Variants in CHID1 observed in about 807,000 individuals in gnomAD.
The protein encoded by CHID1 is chitinase domain-containing protein 1.
Under a neutral mutation model 55.4 loss-of-function variants are expected in CHID1, and 44 were observed. That is an observed-to-expected ratio of 0.79 (90% confidence interval 0.62 to 1.02). The LOEUF is 1.02. Ranked by LOEUF, CHID1 falls within the 50% of genes least tolerant of loss-of-function variation. CHID1 has a pLI of 0.00. For missense variants in CHID1, 491 were observed against 515.3 expected, an observed-to-expected ratio of 0.95 and a Z score of 0.46; for synonymous variants, 216 against 212.9, an observed-to-expected ratio of 1.01 and a Z score of -0.13.
At chr11:882,750 A>G (rs1850071320) in intron 10 of CHID1, among the ~76,000 whole-genome samples, 2 of 152,222 alleles carry the variant, frequency 1.3e-5, no homozygotes, top group Non-Finnish European at 2.9e-5. Context: ...TAATGCCAAC[A>G]AGAAACCACA....
Position 902,188 on chromosome 11 carries a change from G to T in CHID1, c.394+10C>A. The T allele has an allele frequency of 6.2e-7, 1 of 1,613,642 alleles. No homozygotes were observed. On this transcript the variant is annotated intron_variant, in intron 4 of 12. Transcript: ENST00000323578. ...TGGGGCAAGCACAGTCAAGCAGGAA[G>T]GATGAGAACCTTGGTCCACGTCGTG...
In CHID1 at chr11:886,695, C is replaced by T. The variant is rs114847149; in HGVS notation, c.702-2526G>A. On this transcript the variant is annotated intron_variant, in intron 8 of 12. Coordinates refer to ENST00000323578, the MANE Select transcript of CHID1 (RefSeq NM_023947.4). ...CGACTGCACCAGGAAGAGGCCTTGC[C>T]GGAAGGTGGGCTTCGGGCTTGCCAG... Among the ~76,000 whole-genome samples, 697 of 152,318 alleles carry T rather than the reference C, an allele frequency of 4.6e-3. 10 individuals carry two copies. The highest frequency in any genetic ancestry group is 0.013 in the African/African-American group (543 of 41,564).
chr11:890,368 G>A (rs575366091), intron 8 of CHID1, among the ~76,000 whole-genome samples: 4 of 152,360 alleles, frequency 2.6e-5, no homozygotes, highest in Admixed American at 6.5e-5. Flanking sequence ...GCCCCCATGC[G>A]TCACCTTTCT....
intron 8 of CHID1, among the ~76,000 whole-genome samples, chr11:885,480 G>A (rs11246336): frequency 0.11 from 16,062 of 152,054 alleles, 1,191 homozygotes; most frequent in East Asian, 0.22. Flanking sequence ...CCTCAGCCCC[G>A]ACCTCTTTTC....
chr11:914,968 C>T (rs1852859655), upstream of CHID1: 1 of 197,402 alleles, frequency 5.1e-6, no homozygotes, highest in Non-Finnish European at 1.0e-5. Flanking sequence ...AGGACCTGGG[C>T]CACTATTGCT....
intron 10 of CHID1, among the ~76,000 whole-genome samples, chr11:877,469 C>G (rs536134630): frequency 6.6e-6 from 1 of 152,306 alleles, no homozygotes; most frequent in Admixed American, 6.5e-5. Context: ...AGATCTCGAA[C>G]CCCTGGGCTC....
In CHID1 at chr11:896,214, C is replaced by A. The variant is rs371882037; in HGVS notation, c.609-2695G>T. Among the ~76,000 whole-genome samples, 7 of 142,680 alleles carry A rather than the reference C, an allele frequency of 4.9e-5. No individual in the cohort carries two copies. The East Asian group carries it at 1.5e-3, about 30-fold the overall frequency. The allele number at this position is 142,680 out of a possible 152,430, so 93.6% of individuals were successfully genotyped here. A position where few individuals can be genotyped will look rare whatever the true frequency, so the allele number is the denominator to read the frequency against. ...TGTCTCAGCACCCCCAGCCTCCACC[C>A]CAGACACGAAACTGTCTCAGGGCCC... is the stretch of plus-strand genomic sequence containing the variant. On this transcript the variant is annotated intron_variant, in intron 7 of 12. Coordinates refer to ENST00000323578, the MANE Select transcript of CHID1 (RefSeq NM_023947.4).
At chr11:902,478 G>A (rs887380614) in intron 3 of CHID1, 148 bp from the exon 4 acceptor site, 6 of 834,990 alleles carry the variant, frequency 7.2e-6, no homozygotes, top group Non-Finnish European at 1.1e-5. Context: ...CCTGGCCTGG[G>A]GTATCCTTCT....
chr11:904,729 C>A lies in CHID1; in HGVS notation c.88G>T (p.Ala30Ser). 6.2e-7 allele frequency: 1 copy of A among 1,614,134 alleles called. No homozygotes were observed. Among genetic ancestry groups the A allele is most frequent in the Non-Finnish European group, 8.5e-7 (1 of 1,180,016 alleles). The change falls in exon 2 of 13, where the codon GCC (alanine) becomes TCC (serine). Residue 30 changes from alanine (A) to serine (S), a missense_variant. Transcript: ENST00000323578. ...ACCTTCTCCAGCAGCGTCTTTGAGG[C>A]GGCTTTTTTGGCATCTGACTTTGAC... ...TLSKSDAKKA[A>S]SKTLLEKSQF...
rs1848977777 is a variant in CHID1, at chr11:868,299, G to C, written c.*1559C>G. 1 of 152,112 alleles carries C rather than the reference G, an allele frequency of 6.6e-6. No homozygotes were observed. The highest frequency in any genetic ancestry group is 1.5e-5 in the Non-Finnish European group (1 of 68,048). 9.4% of individuals were successfully genotyped at this position (152,112 alleles called of 1,614,324 possible). A position where few individuals can be genotyped will look rare whatever the true frequency, so the allele number is the denominator to read the frequency against. ...TTTTTTTAGACAAGGTTTTTGGAGT[G>C]CAGTCGGTCACAGCTCACTGCAGCC... On this transcript the variant is annotated 3_prime_UTR_variant, in exon 13 of 13. Coordinates refer to ENST00000323578, the MANE Select transcript of CHID1 (RefSeq NM_023947.4).
At chr11:908,823 T>C (rs549763727) in intron 1 of CHID1, among the ~76,000 whole-genome samples, 11 of 152,332 alleles carry the variant, frequency 7.2e-5, no homozygotes, top group African/African-American at 2.6e-4. Flanking sequence ...ACCCACCTAG[T>C]GGCCCCTCTG....
chr11:870,589 G>T, intron 10 of CHID1, 90 bp from the exon 11 acceptor site: 4 of 924,190 alleles, frequency 4.3e-6, no homozygotes, highest in African/African-American at 3.3e-5. Context: ...CTCAGCAGGG[G>T]CAGGGCCACT....
At chr11:901,929 CACACTCA>C (rs969488763) in intron 4 of CHID1, among the ~76,000 whole-genome samples, 1 of 3,112 alleles carries the variant, frequency 3.2e-4, no homozygotes. Context: ...TCACAGTCAC[CACACTCA>C]ACACTCACAC....
chr11:870,193 C>T (rs188873073), intron 11 of CHID1, 30 bp from the exon 12 acceptor site: 31 of 1,613,120 alleles, frequency 1.9e-5, no homozygotes, highest in Admixed American at 3.3e-5. Flanking sequence ...TCAGCCCATC[C>T]GCTCTGCTGG....
chr11:870,926 C>T (rs1849135778), intron 10 of CHID1, among the ~76,000 whole-genome samples: 1 of 151,746 alleles, frequency 6.6e-6, no homozygotes, highest in African/African-American at 2.4e-5. Context: ...ATGGGCAGTG[C>T]CTCGTACTGG....
At chr11:912,983 T>C (rs1360084712), upstream of CHID1, among the ~76,000 whole-genome samples, 1 of 152,212 alleles carries the variant, frequency 6.6e-6, no homozygotes, top group African/African-American at 2.4e-5. Flanking sequence ...TAAGTGAAAC[T>C]TGAACACATT....
At chr11:903,163 A>G in intron 2 of CHID1, 52 bp from the exon 3 acceptor site, 1 of 1,573,580 alleles carries the variant, frequency 6.4e-7, no homozygotes, top group Non-Finnish European at 8.6e-7. Flanking sequence ...CACAGTGTAG[A>G]GCACAGAGCC....
Position 900,006 on chromosome 11 carries a change from T to G in CHID1, c.544A>C (p.Lys182Gln), listed in dbSNP as rs1441968015. 1 of 1,611,336 alleles carries G rather than the reference T, an allele frequency of 6.2e-7. No homozygotes were observed. Among genetic ancestry groups the G allele is most frequent in the Admixed American group, 1.7e-5 (1 of 59,996 alleles). The stretch of plus-strand genomic sequence containing the variant: ...CTGGAGCAGCACACAGGTCTCACCT[T>G]TGCCACCTGGACCACGGTCTTGCTC... ...ELSKTVVQVA[K>Q]NQHFDGFVVE... The change falls in exon 6 of 13, where the codon AAG becomes CAG. Residue 182 changes from lysine (K) to glutamine (Q), a missense_variant and splice_region_variant. Transcript: ENST00000323578.
chr11:895,084 G>C (rs1851162436), intron 7 of CHID1, among the ~76,000 whole-genome samples: 1 of 152,174 alleles, frequency 6.6e-6, no homozygotes, highest in Non-Finnish European at 1.5e-5. Context: ...ACTTAGAGGT[G>C]GTGGTCAAGG....
Sources: gnomAD v4.1 joint callset for allele counts (sites outside exome capture counted in the v4.1 genomes callset) on GRCh38, gnomAD v4.1.1 for gene constraint, MANE v1.5 for transcripts, NCBI Gene and HGNC (gene_info 2026-07-23, HGNC 2026-07-21) for gene names.